Variants in DNAH2 observed in about 807,000 individuals in gnomAD.
The protein encoded by DNAH2 is dynein axonemal heavy chain 2.
In DNAH2, 323 loss-of-function variants were observed where a neutral mutation model predicts 523.5. That is an observed-to-expected ratio of 0.62 (90% CI 0.56 to 0.68). The LOEUF (loss-of-function observed/expected upper bound fraction) is 0.68. Among genes scored for constraint, DNAH2 ranks in the 30% least tolerant of loss-of-function variants. DNAH2 has a pLI of 0.00. For synonymous variants in DNAH2, 2,093 were observed against 2,177.4 expected, an observed-to-expected ratio of 0.96 and a Z score of 1.08; for missense variants, 4,907 against 5,701.5, an observed-to-expected ratio of 0.86 and a Z score of 4.49.
At position 7,828,112 on chromosome 17, in the gene DNAH2, T is replaced by G. The variant is rs775706750; in HGVS notation, c.11854-2188T>G. Among the ~76,000 whole-genome samples, 5 of 152,012 alleles carry G rather than the reference T, an allele frequency of 3.3e-5. No homozygotes were observed. Among genetic ancestry groups the G allele is most frequent in the Non-Finnish European group, 7.4e-5 (5 of 68,012 alleles). ...TTTGTGTTTTTTTGTAGAGACTGGA[T>G]TTCACCATGTTGGCCAGGCTGGTCT... On this transcript the variant is annotated intron_variant, in intron 77 of 85. Transcript: ENST00000572933. The surrounding 1 kb of genome is among the most constrained non-coding windows in gnomAD (Gnocchi z 4.1).
rs1238343063 is a variant in DNAH2 at position 7,775,259 on chromosome 17, A to T, written c.4738A>T (p.Lys1580Ter). ...TCTGCAGGTTGGAGGGCCCAGCAGCAAATGGGAAGCTGTGGGGATGTTCTC... is the reference window on the plus strand; with the variant it reads ...TCTGCAGGTTGGAGGGCCCAGCAGCTAATGGGAAGCTGTGGGGATGTTCTC... ...RIQKVGGPSSKWEAVGMFSGD... is the reference protein window; with the variant it reads ...RIQKVGGPSS The change falls in exon 30 of 86, where the codon AAA becomes TAA. Residue 1580 changes from lysine to a stop codon, truncating the protein, a stop_gained. Coordinates refer to ENST00000572933, the MANE Select transcript of DNAH2 (RefSeq NM_020877.5). LOFTEE classifies it high-confidence loss of function. 3 of 1,613,266 alleles carry T rather than the reference A, an allele frequency of 1.9e-6. No homozygotes were observed.
rs1442133875 is a variant in DNAH2, at chr17:7,734,666, G to A, written c.936G>A (p.Ser312=). The A allele has an allele frequency of 2.0e-5, 32 of 1,612,862 alleles. No individual in the cohort carries two copies. Among genetic ancestry groups the A allele is most frequent in the Admixed American group, 1.3e-4 (8 of 59,734 alleles). Reference sequence around the variant, plus strand: ...AATCCATCCTGCACCTTGCCAAGTCGTCCTACTTGGCGCCCTTTATGAAAC... The same window carrying A: ...AATCCATCCTGCACCTTGCCAAGTCATCCTACTTGGCGCCCTTTATGAAAC... ...HVESILHLAK[S]SYLAPFMKLA... is the part of the protein sequence containing the mutation. Residue 312 remains serine (S), a synonymous_variant, in exon 7 of 86, where the codon TCG becomes TCA. Coordinates refer to ENST00000572933, the MANE Select transcript of DNAH2 (RefSeq NM_020877.5).
chr17:7,781,294 G>A, intron 39 of DNAH2, 127 bp downstream of exon 39: 1 of 1,062,788 alleles, frequency 9.4e-7, no homozygotes, highest in East Asian at 2.4e-5. Flanking sequence ...GGGCAACATG[G>A]TGAAACCCTG....
chr17:7,796,952 A>AAAG (rs61597001), intron 50 of DNAH2, among the ~76,000 whole-genome samples: 3 of 148,594 alleles, frequency 2.0e-5, no homozygotes, highest in African/African-American at 7.5e-5. Context: ...AAAAAAAAAA[A>AAAG]TTAGCTGGGC....
chr17:7,779,831 A>G (rs920402684), intron 36 of DNAH2, among the ~76,000 whole-genome samples: 2 of 152,198 alleles, frequency 1.3e-5, no homozygotes, highest in Non-Finnish European at 2.9e-5. Context: ...TAGGAACTGA[A>G]CAAAGAGGAA....
chr17:7,744,778 G>A (rs1257070433), intron 12 of DNAH2, among the ~76,000 whole-genome samples: 1 of 152,054 alleles, frequency 6.6e-6, no homozygotes, highest in African/African-American at 2.4e-5. Flanking sequence ...GCCTAGTTAC[G>A]CCATTTGCAA....
chr17:7,801,815 A>G, intron 57 of DNAH2, 63 bp from the exon 58 acceptor site: 1 of 1,605,262 alleles, frequency 6.2e-7, no homozygotes, highest in Non-Finnish European at 8.5e-7. Context: ...CTCTCATCGC[A>G]CTCCCAGCCT....
Position 7,770,579 on chromosome 17 carries a change from C to G in DNAH2, c.4121C>G (p.Thr1374Ser), listed in dbSNP as rs2076287643. Residue 1374 changes from threonine (T) to serine (S), a missense_variant, in exon 26 of 86, where the codon ACC becomes AGC. Coordinates refer to ENST00000572933, the MANE Select transcript of DNAH2 (RefSeq NM_020877.5). ...CAGGCTTTACAAAACATTGCCAAGA[C>G]CTGGGATGTGACTCAGCTCGACATA... ...IEVALQNIAK[T>S]WDVTQLDIVP... 6.2e-7 allele frequency: 1 copy of G among 1,613,978 alleles called. No homozygotes were observed. Among genetic ancestry groups the G allele is most frequent in the Non-Finnish European group, 8.5e-7 (1 of 1,180,030 alleles).
At chr17:7,787,212 G>A (rs921893802) in intron 42 of DNAH2, 179 bp downstream of exon 42, 59 of 792,800 alleles carry the variant, frequency 7.4e-5, no homozygotes, top group Non-Finnish European at 1.1e-4. Context: ...TGCTTGCCGC[G>A]GCTGTTGAGA....
intron 3 of DNAH2, 67 bp from the exon 4 acceptor site, chr17:7,727,055 T>C (rs777949778): frequency 1.2e-4 from 174 of 1,462,346 alleles, no homozygotes; most frequent in Non-Finnish European, 1.5e-4. Context: ...CACTTGTGAT[T>C]GTGGATGGGA....
At position 7,805,079 on chromosome 17, in the gene DNAH2, C is replaced by T; in HGVS notation, c.9300+5C>T. Reference sequence around the variant, plus strand: ...GCCCTGGAAGAGGCCATGCGGGTACCAGGGGCGGGTGCAAGGATGGGAGCC... The same window carrying T: ...GCCCTGGAAGAGGCCATGCGGGTACTAGGGGCGGGTGCAAGGATGGGAGCC... On this transcript the variant is annotated splice_donor_5th_base_variant and intron_variant, in intron 60 of 85. Transcript: ENST00000572933. The T allele has an allele frequency of 1.2e-6, 2 of 1,612,584 alleles. No homozygotes were observed. The highest frequency in any genetic ancestry group is 2.7e-5 in the African/African-American group (2 of 75,008).
At position 7,786,442 on chromosome 17, in the gene DNAH2, T is replaced by A; in HGVS notation, c.6348+100T>A. On this transcript the variant is annotated intron_variant, in intron 40 of 85. Transcript: ENST00000572933. The surrounding 1 kb of genome is among the most constrained non-coding windows in gnomAD (Gnocchi z 7.5). ...GAGGACCTTGCAAGGCCGGGAGAGCTGTACCTGGGACCATGGTGGCCTGGA... is the reference window on the plus strand; with the variant it reads ...GAGGACCTTGCAAGGCCGGGAGAGCAGTACCTGGGACCATGGTGGCCTGGA... 1 of 1,487,782 alleles carries A rather than the reference T, an allele frequency of 6.7e-7. No homozygotes were observed. The highest frequency in any genetic ancestry group is 1.2e-5 in the South Asian group (1 of 82,132). 92.2% of individuals were successfully genotyped at this position (1,487,782 alleles called of 1,614,324 possible). A position where few individuals can be genotyped will look rare whatever the true frequency, so the allele number is the denominator to read the frequency against.
At chr17:7,774,738 A>G in intron 28 of DNAH2, 21 bp from the exon 29 acceptor site, 1 of 1,606,456 alleles carries the variant, frequency 6.2e-7, no homozygotes, top group East Asian at 2.2e-5. Flanking sequence ...ATCAAATGTC[A>G]TTCATCGCTC....
At chr17:7,769,832 C>T (rs543453577) in intron 24 of DNAH2, among the ~76,000 whole-genome samples, 13 of 152,206 alleles carry the variant, frequency 8.5e-5, no homozygotes, top group African/African-American at 2.7e-4. Flanking sequence ...AAGTGTTATA[C>T]GGTTATGTAT....
intron 11 of DNAH2, among the ~76,000 whole-genome samples, 160 bp from the exon 12 acceptor site, chr17:7,742,768 C>T (rs563514678): frequency 6.6e-6 from 1 of 152,286 alleles, no homozygotes; most frequent in African/African-American, 2.4e-5. Context: ...TTGACTCTAC[C>T]TTCCTTCTAA....
At chr17:7,799,939 C>T (rs949763035) in intron 56 of DNAH2, among the ~76,000 whole-genome samples, 1 of 152,216 alleles carries the variant, frequency 6.6e-6, no homozygotes, top group East Asian at 1.9e-4. Context: ...CTCATGCTCC[C>T]GAGGCCGTAC....
chr17:7,775,981 G>T, intron 30 of DNAH2, 43 bp from the exon 31 acceptor site: 2 of 1,606,854 alleles, frequency 1.2e-6, no homozygotes, highest in South Asian at 2.2e-5. Flanking sequence ...CCTTGGCCGT[G>T]CCCCCTCAGG....
chr17:7,791,166 T>A (rs1224565429), intron 44 of DNAH2, among the ~76,000 whole-genome samples: 1 of 152,008 alleles, frequency 6.6e-6, no homozygotes, highest in African/African-American at 2.4e-5. Context: ...CTCCACCTCC[T>A]GGGTTCAAGC....
chr17:7,770,012 T>C (rs1348606504), intron 24 of DNAH2, among the ~76,000 whole-genome samples: 1 of 152,232 alleles, frequency 6.6e-6, no homozygotes, highest in African/African-American at 2.4e-5. Flanking sequence ...CCTGCGGTGA[T>C]TCATTGTGTG....
Sources: allele counts gnomAD v4.1 joint callset (sites outside exome capture counted in the v4.1 genomes callset), GRCh38; gene constraint gnomAD v4.1.1; non-coding constraint Gnocchi (gnomAD v3.1); transcripts MANE v1.5; gene names NCBI Gene and HGNC (gene_info 2026-07-23, HGNC 2026-07-21).